TNNI3K: variants seen among roughly 807,000 people sequenced by gnomAD.
TNNI3K encodes the protein serine/threonine-protein kinase TNNI3K.
TNNI3K carries 140 observed loss-of-function variants against 114.5 expected under a neutral mutation model. The observed-to-expected ratio is 1.22, with a 90% CI of 1.07 to 1.41. TNNI3K has a LOEUF of 1.41. Among genes scored for constraint, TNNI3K ranks in the 40% most tolerant of loss-of-function variants. The probability of loss-of-function intolerance (pLI) is 0.00; values close to 1 mark genes in which losing one functional copy is unlikely to be tolerated. For synonymous variants in TNNI3K, 347 were observed against 347.5 expected (o/e 1.00, Z 0.02); for missense variants, 1,125 against 1,007.6 (o/e 1.12, Z -1.58).
intron 5 of TNNI3K, among the ~76,000 whole-genome samples, chr1:74,328,110 A>G (rs1212203064): frequency 6.6e-6 from 1 of 152,138 alleles, no homozygotes; most frequent in Non-Finnish European, 1.5e-5. Flanking sequence ...ATTAAGTCCT[A>G]ATTATTAATG....
At chr1:74,464,539 T>C in intron 21 of TNNI3K, 1 of 1,436,052 alleles carries the variant, frequency 7.0e-7, no homozygotes, top group Non-Finnish European at 9.1e-7. Context: ...AAAGTGAGGC[T>C]ATTATTTCAG....
intron 7 of TNNI3K, among the ~76,000 whole-genome samples, chr1:74,338,966 C>T (rs183320189): frequency 1.3e-5 from 2 of 152,074 alleles, no homozygotes; most frequent in African/African-American, 2.4e-5. Flanking sequence ...CCTGTGTGAA[C>T]GACTAAACAC....
chr1:74,427,928 G>C (rs1665712150), intron 17 of TNNI3K, among the ~76,000 whole-genome samples: 1 of 150,652 alleles, frequency 6.6e-6, no homozygotes, highest in African/African-American at 2.5e-5. Flanking sequence ...CAAATAGTAA[G>C]TGAAGAGTAT....
chr1:74,508,728 G>A (rs896923094), intron 23 of TNNI3K, among the ~76,000 whole-genome samples: 1 of 152,264 alleles, frequency 6.6e-6, no homozygotes, highest in South Asian at 2.1e-4. Flanking sequence ...CAGGAGGAAG[G>A]GTGCTTTGCT....
chr1:74,505,681 A>G (rs1669859185), intron 23 of TNNI3K, among the ~76,000 whole-genome samples: 1 of 152,200 alleles, frequency 6.6e-6, no homozygotes, highest in Admixed American at 6.5e-5. Context: ...GTAAAAAAAC[A>G]CATTAAACCA....
intron 17 of TNNI3K, among the ~76,000 whole-genome samples, chr1:74,381,680 A>G (rs1663210216): frequency 6.6e-6 from 1 of 152,064 alleles, no homozygotes; most frequent in African/African-American, 2.4e-5. Flanking sequence ...CTTGGTTCGA[A>G]CTTGAATCAG....
intron 5 of TNNI3K, among the ~76,000 whole-genome samples, chr1:74,322,032 AG>A (rs1358576358): frequency 6.6e-6 from 1 of 152,196 alleles, no homozygotes; most frequent in Non-Finnish European, 1.5e-5. Context: ...GAGTCAAAAA[AG>A]GGCGTGGTAA....
At chr1:74,482,218 AC>A (rs1668541000) in intron 21 of TNNI3K, among the ~76,000 whole-genome samples, 1 of 152,246 alleles carries the variant, frequency 6.6e-6, no homozygotes, top group African/African-American at 2.4e-5. Flanking sequence ...TCTGTCAATT[AC>A]TTCTTGTCTA....
chr1:74,445,239 CTT>C (rs1666585854), intron 20 of TNNI3K, among the ~76,000 whole-genome samples: 1 of 134,850 alleles, frequency 7.4e-6, no homozygotes, highest in Non-Finnish European at 1.6e-5. Flanking sequence ...TTTTATTATA[CTT>C]TAAGTTTTAG....
chr1:74,437,210 A>G (rs1666174971), intron 19 of TNNI3K, among the ~76,000 whole-genome samples: 1 of 151,830 alleles, frequency 6.6e-6, no homozygotes, highest in Non-Finnish European at 1.5e-5. Context: ...CTTTAAGTTC[A>G]TCTTAACCTC....
chr1:74,543,807 C>T (rs1385695564), intron 24 of TNNI3K, 99 bp from the exon 25 acceptor site: 2 of 1,339,126 alleles, frequency 1.5e-6, no homozygotes, highest in Admixed American at 3.8e-5. Flanking sequence ...TGTCTGTTCA[C>T]ATGATCTGGA....
At chr1:74,323,308 A>G (rs943418368) in intron 5 of TNNI3K, among the ~76,000 whole-genome samples, 1 of 152,214 alleles carries the variant, frequency 6.6e-6, no homozygotes, top group African/African-American at 2.4e-5. Context: ...ACCTGAGTTT[A>G]AACTTAAGTG....
At chr1:74,479,885 C>G (rs910201745) in intron 21 of TNNI3K, among the ~76,000 whole-genome samples, 2 of 152,216 alleles carry the variant, frequency 1.3e-5, no homozygotes, top group Admixed American at 6.5e-5. Context: ...AGCAGGTTAA[C>G]CTGTTCAAGG....
At position 74,468,361 on chromosome 1, in the gene TNNI3K, T is replaced by C. The variant is rs557729315; in HGVS notation, c.2121+4811T>C. ...TGTCGATTAGGGTGGAATAAACTTA[T>C]CATGCAAGAAGTTGGCATAGATACT... On this transcript the variant is annotated intron_variant, in intron 21 of 24. Transcript: ENST00000326637. 5.9e-5 allele frequency: 9 copies of C among 152,198 alleles called. No homozygotes were observed. The South Asian group carries it at 6.2e-4, about 11-fold the overall frequency. The allele number at this position is 152,198 out of a possible 1,614,324, so 9.4% of individuals were successfully genotyped here. A position where few individuals can be genotyped will look rare whatever the true frequency, so the allele number is the denominator to read the frequency against.
chr1:74,373,108 A>G (rs1306710956), intron 17 of TNNI3K: 27 of 151,866 alleles, frequency 1.8e-4, no homozygotes, highest in Admixed American at 1.8e-3. Context: ...GGCTCAAAAG[A>G]GCCTGGGTCC....
chr1:74,510,480 C>T (rs1188273172), intron 23 of TNNI3K, among the ~76,000 whole-genome samples: 1 of 152,036 alleles, frequency 6.6e-6, no homozygotes, highest in East Asian at 1.9e-4. Flanking sequence ...TGCACTCTAG[C>T]CTGGGTGACA....
intron 4 of TNNI3K, among the ~76,000 whole-genome samples, chr1:74,254,880 T>G (rs937454501): frequency 6.6e-6 from 1 of 152,152 alleles, no homozygotes; most frequent in African/African-American, 2.4e-5. Context: ...GGTACAATGC[T>G]CATATACATG....
At chr1:74,381,588 T>G (rs1227930345) in intron 17 of TNNI3K, among the ~76,000 whole-genome samples, 1 of 152,148 alleles carries the variant, frequency 6.6e-6, no homozygotes, top group Admixed American at 6.5e-5. Flanking sequence ...TTGGATTGTT[T>G]TACTGTAGAT....
chr1:74,252,966 T>C (rs185714675), intron 4 of TNNI3K, among the ~76,000 whole-genome samples: 109 of 152,222 alleles, frequency 7.2e-4, no homozygotes, highest in Middle Eastern at 3.4e-3. Flanking sequence ...TCCTGCTGAC[T>C]GGTCCATTTT....
Sources: gnomAD v4.1 joint callset for allele counts (sites outside exome capture counted in the v4.1 genomes callset) on GRCh38, gnomAD v4.1.1 for gene constraint, MANE v1.5 for transcripts, NCBI Gene and HGNC (gene_info 2026-07-23, HGNC 2026-07-21) for gene names.